The following MARCO variants were observed in gnomAD, a reference collection of about 807,000 sequenced individuals.
MARCO encodes the protein macrophage receptor MARCO.
A neutral mutation model predicts 70.0 loss-of-function variants in MARCO; 72 were observed. That is an observed-to-expected ratio of 1.03 (90% CI 0.85 to 1.25). MARCO has a LOEUF of 1.25. MARCO is among the 50% of genes most tolerant of loss of function. The pLI, the probability that MARCO is intolerant of heterozygous loss-of-function variation, is 0.00. For missense variants in MARCO, 696 were observed against 659.3 expected (o/e 1.06, Z -0.61); for synonymous variants, 273 against 243.1 (o/e 1.12, Z -1.14).
At chr2:118,984,053 C>A (rs1340499443) in intron 12 of MARCO, among the ~76,000 whole-genome samples, 1 of 152,166 alleles carries the variant, frequency 6.6e-6, no homozygotes. Flanking sequence ...CACAACTTTA[C>A]GGTCAAACAG....
At position 118,942,207 on chromosome 2, in the gene MARCO, G is replaced by C. The variant is rs1288014627; in HGVS notation, c.-94G>C. 7.8e-6 allele frequency: 6 copies of C among 773,356 alleles called. No homozygotes were observed. The African/African-American group carries it at 1.1e-4, about 14-fold the overall frequency. 47.9% of individuals were successfully genotyped at this position (773,356 alleles called of 1,614,324 possible). A position where few individuals can be genotyped will look rare whatever the true frequency, so the allele number is the denominator to read the frequency against. ...GCTGCGAGGTTTACAACCAGCTGCA[G>C]TGGTTCGATGGGAAGGATCTTTCTC... On this transcript the variant is annotated 5_prime_UTR_variant, in exon 1 of 17. Coordinates refer to ENST00000327097, the MANE Select transcript of MARCO (RefSeq NM_006770.4).
chr2:118,944,334 T>C (rs1166468852), intron 1 of MARCO, among the ~76,000 whole-genome samples: 1 of 152,220 alleles, frequency 6.6e-6, no homozygotes, highest in African/African-American at 2.4e-5. Context: ...TCCTGCCTTC[T>C]AATACAAAGA....
At chr2:118,955,566 A>G (rs1243973567) in intron 1 of MARCO, among the ~76,000 whole-genome samples, 1 of 152,224 alleles carries the variant, frequency 6.6e-6, no homozygotes, top group African/African-American at 2.4e-5. Flanking sequence ...TGGCCTTCCC[A>G]GAGACTTAGA....
rs765061322 is a variant in MARCO at position 118,994,547 on chromosome 2, C to T, written c.*27C>T. ...CCGGAAACCCTTTCACTTCTCTGCT[C>T]CCGAGGTGTCCTCGGGCTCATATGT... On this transcript the variant is annotated 3_prime_UTR_variant, in exon 17 of 17. Coordinates refer to ENST00000327097, the MANE Select transcript of MARCO (RefSeq NM_006770.4). 176 of 1,545,938 alleles carry T rather than the reference C, an allele frequency of 1.1e-4. No homozygotes were observed. The highest frequency in any genetic ancestry group is 1.5e-4 in the Non-Finnish European group (173 of 1,147,736).
intron 1 of MARCO, chr2:118,949,967 T>C (rs1679687928): frequency 6.6e-6 from 1 of 152,226 alleles, no homozygotes; most frequent in Non-Finnish European, 1.5e-5. Context: ...ACCAAGTATA[T>C]AATTTCTAAG....
chr2:118,949,532 A>T (rs1242249773), intron 1 of MARCO: 1 of 152,164 alleles, frequency 6.6e-6, no homozygotes, highest in Non-Finnish European at 1.5e-5. Flanking sequence ...AGCCTATAGG[A>T]TCCTTTCCAG....
intron 16 of MARCO, 50 bp from the exon 17 acceptor site, chr2:118,994,337 G>C (rs372100988): frequency 6.2e-7 from 1 of 1,611,214 alleles, no homozygotes; most frequent in Non-Finnish European, 8.5e-7. Flanking sequence ...TCTTTGCTTT[G>C]ACTCTAATCC....
chr2:118,981,779 T>C, intron 10 of MARCO, 123 bp downstream of exon 10: 4 of 1,017,562 alleles, frequency 3.9e-6, no homozygotes, highest in Non-Finnish European at 6.0e-6. Context: ...CCTGGGGTTT[T>C]TTAGACATCT....
At chr2:118,958,297 CAA>C (rs1361104695) in intron 1 of MARCO, among the ~76,000 whole-genome samples, 2 of 151,678 alleles carry the variant, frequency 1.3e-5, no homozygotes, top group Non-Finnish European at 2.9e-5. Flanking sequence ...AAGAATTCAG[CAA>C]AGTTTCTGGA....
intron 12 of MARCO, among the ~76,000 whole-genome samples, chr2:118,983,562 G>T (rs1320504413): frequency 6.6e-6 from 1 of 152,148 alleles, no homozygotes; most frequent in East Asian, 1.9e-4. Flanking sequence ...GATCCCATGT[G>T]GATGCCACCT....
At position 118,971,499 on chromosome 2, in the gene MARCO, G is replaced by T; in HGVS notation, c.425G>T (p.Gly142Val). 6.2e-7 allele frequency: 1 copy of T among 1,613,936 alleles called. No homozygotes were observed. The highest frequency in any genetic ancestry group is 8.5e-7 in the Non-Finnish European group (1 of 1,179,888). Residue 142 changes from glycine (G) to valine (V), a missense_variant and splice_region_variant, in exon 4 of 17, where the codon GGG becomes GTG. Coordinates refer to ENST00000327097, the MANE Select transcript of MARCO (RefSeq NM_006770.4). ...GCAGCTCACTCTCCTTCCCTTGCAG[G>T]GATGTTCAGAATCAAAGGTGAACAA... The part of the protein sequence containing the change: ...QRVDNFTQNP[G>V]MFRIKGEQGA...
rs1680655230 is a variant in MARCO, at chr2:118,993,125, T to C, written c.1254T>C (p.Gly418=). 2 of 1,614,036 alleles carry C rather than the reference T, an allele frequency of 1.2e-6. No homozygotes were observed. Among genetic ancestry groups the C allele is most frequent in the Non-Finnish European group, 1.7e-6 (2 of 1,179,996 alleles). Residue 418 remains glycine, a splice_region_variant and synonymous_variant, in exon 16 of 17, where the codon GGT becomes GGC. Transcript: ENST00000327097. ...QGVKGEKGER[G]ENSVSVRIVG... is the part of the protein sequence containing the mutation. ...TCCCATGTGTGTTTCTTCACCCAGG[T>C]GAAAACTCAGTGTCCGTCAGGATTG...
chr2:118,990,636 A>G lies in MARCO; in HGVS notation c.1108+3A>G. On this transcript the variant is annotated splice_donor_region_variant and intron_variant, in intron 13 of 16. Coordinates refer to ENST00000327097, the MANE Select transcript of MARCO (RefSeq NM_006770.4). ...AAAAGGAGAATCAGGAGTTCCAGGTAAAGGGCAGGCTGCATCTTCATCCCT... is the reference window on the plus strand; with the variant it reads ...AAAAGGAGAATCAGGAGTTCCAGGTGAAGGGCAGGCTGCATCTTCATCCCT... 1 of 1,521,304 alleles carries G rather than the reference A, an allele frequency of 6.6e-7. No homozygotes were observed. Among genetic ancestry groups the G allele is most frequent in the Non-Finnish European group, 8.9e-7 (1 of 1,120,644 alleles). 94.2% of individuals were successfully genotyped at this position (1,521,304 alleles called of 1,614,324 possible).
Position 118,994,569 on chromosome 2 carries a change from A to G in MARCO, c.*49A>G. ...GCTCCCGAGGTGTCCTCGGGCTCATATGTGGGAAGGCAGAGGATCTCTGAG... is the reference window on the plus strand; with the variant it reads ...GCTCCCGAGGTGTCCTCGGGCTCATGTGTGGGAAGGCAGAGGATCTCTGAG... On this transcript the variant is annotated 3_prime_UTR_variant, in exon 17 of 17. Coordinates refer to ENST00000327097, the MANE Select transcript of MARCO (RefSeq NM_006770.4). The G allele has an allele frequency of 6.6e-7, 1 of 1,519,382 alleles. No homozygotes were observed. The highest frequency in any genetic ancestry group is 8.8e-7 in the Non-Finnish European group (1 of 1,135,852). The allele number at this position is 1,519,382 out of a possible 1,614,324, so 94.1% of individuals were successfully genotyped here.
At position 118,982,204 on chromosome 2, in the gene MARCO, A is replaced by G. The variant is rs1680406176; in HGVS notation, c.950A>G (p.His317Arg). Reference sequence around the variant, plus strand: ...CCGGGCCCTCCTGGTGCAGTGGGACACCCAGGTGCCAAGGGTGAGCCTGGC... The same window carrying G: ...CCGGGCCCTCCTGGTGCAGTGGGACGCCCAGGTGCCAAGGGTGAGCCTGGC... ...GVPGPPGAVG[H>R]PGAKGEPGSA... The change falls in exon 11 of 17, where the codon CAC (histidine) becomes CGC (arginine). Residue 317 changes from histidine (H) to arginine (R), a missense_variant. His to Arg is a conservative substitution (Grantham distance 29). Coordinates refer to ENST00000327097, the MANE Select transcript of MARCO (RefSeq NM_006770.4). The G allele has an allele frequency of 6.2e-7, 1 of 1,613,250 alleles. No individual in the cohort carries two copies. Among genetic ancestry groups the G allele is most frequent in the African/African-American group, 1.3e-5 (1 of 74,870 alleles).
Position 118,993,015 on chromosome 2 carries a change from C to T in MARCO, c.1253-109C>T, listed in dbSNP as rs1680651319. On this transcript the variant is annotated intron_variant, in intron 15 of 16. Coordinates refer to ENST00000327097, the MANE Select transcript of MARCO (RefSeq NM_006770.4). ...GGCTCTGGTGACAGTCAAGCAGGGG[C>T]ATTTCTTTTCCTTAACTGTAGAACT... The T allele has an allele frequency of 3.1e-6, 3 of 977,458 alleles. No homozygotes were observed. In the African/African-American group the frequency reaches 4.9e-5, roughly 16 times the overall value. 60.5% of individuals were successfully genotyped at this position (977,458 alleles called of 1,614,324 possible). A position where few individuals can be genotyped will look rare whatever the true frequency, so the allele number is the denominator to read the frequency against.
chr2:118,974,416 G>C lies in MARCO; in HGVS notation c.544G>C (p.Ala182Pro), dbSNP rs374036518. The change falls in exon 5 of 17, where the codon GCT becomes CCT. Residue 182 changes from alanine to proline, a missense_variant. Transcript: ENST00000327097. ...GPPAEKGAKGAMGRDGATGPS... is the reference protein window; with the variant it reads ...GPPAEKGAKGPMGRDGATGPS... Reference sequence around the variant, plus strand: ...ACCTGCTGAGAAGGGAGCCAAGGGGGCTATGGGACGAGATGGAGCAACAGG... The same window carrying C: ...ACCTGCTGAGAAGGGAGCCAAGGGGCCTATGGGACGAGATGGAGCAACAGG... 6.2e-7 allele frequency: 1 copy of C among 1,612,826 alleles called. No individual in the cohort carries two copies. Among genetic ancestry groups the C allele is most frequent in the Non-Finnish European group, 8.5e-7 (1 of 1,179,584 alleles).
chr2:118,948,472 T>G (rs866451906), intron 1 of MARCO, among the ~76,000 whole-genome samples: 1 of 152,198 alleles, frequency 6.6e-6, no homozygotes, highest in Non-Finnish European at 1.5e-5. Flanking sequence ...AGCTGGAACG[T>G]GCCTGTGAGC....
chr2:118,980,650 C>T (rs1023282519), intron 8 of MARCO, among the ~76,000 whole-genome samples: 1 of 152,170 alleles, frequency 6.6e-6, no homozygotes, highest in Non-Finnish European at 1.5e-5. Context: ...AGACCTTTGC[C>T]CCACTCTACC....
Sources: gnomAD v4.1 joint callset for allele counts (sites outside exome capture counted in the v4.1 genomes callset) on GRCh38, gnomAD v4.1.1 for gene constraint, MANE v1.5 for transcripts, NCBI Gene and HGNC (gene_info 2026-07-23, HGNC 2026-07-21) for gene names.